RBP7: variants seen among roughly 807,000 people sequenced by gnomAD.
RBP7 encodes retinol binding protein 7, also known as retinoid-binding protein 7.
Under a neutral mutation model 16.7 loss-of-function variants are expected in RBP7, and 13 were observed. That is an observed-to-expected ratio of 0.78 (90% confidence interval 0.51 to 1.24). RBP7 has a LOEUF of 1.24. RBP7 is among the 50% of genes most tolerant of loss of function. RBP7 has a pLI of 0.00. For missense variants in RBP7, 145 were observed against 159.5 expected (o/e 0.91, Z 0.49); for synonymous variants, 54 against 56.2 (o/e 0.96, Z 0.17).
intron 1 of RBP7, among the ~76,000 whole-genome samples, chr1:10,001,851 CAG>C (rs1254506013): frequency 6.9e-5 from 8 of 116,104 alleles, no homozygotes; most frequent in Non-Finnish European, 1.3e-4. Flanking sequence ...ATTTTTGAGA[CAG>C]AGTCTCCCTT....
At chr1:10,015,550 G>C (rs1412692679) in intron 3 of RBP7, among the ~76,000 whole-genome samples, 1 of 151,758 alleles carries the variant, frequency 6.6e-6, no homozygotes, top group Non-Finnish European at 1.5e-5. Flanking sequence ...CAGTGTCCCA[G>C]CTACTTTGGG....
At chr1:10,009,955 ATGTACCAAAAAATGCACCTGTTTTAAG>A (rs1642569699) in intron 3 of RBP7, among the ~76,000 whole-genome samples, 1 of 151,840 alleles carries the variant, frequency 6.6e-6, no homozygotes, top group African/African-American at 2.4e-5. Flanking sequence ...GGTATACTTT[ATGTACCAAAAAATGCACCTGTTTTAAG>A]TGTACAGTTT....
intron 1 of RBP7, among the ~76,000 whole-genome samples, chr1:9,998,630 G>A (rs1642215881): frequency 1.3e-5 from 2 of 150,758 alleles, no homozygotes; most frequent in Admixed American, 1.3e-4. Context: ...GGCTGGTCTC[G>A]AACATCTGCC....
Position 10,009,817 on chromosome 1 carries a change from C to T in RBP7, c.354+1543C>T, listed in dbSNP as rs549466277. 4.6e-5 allele frequency among the ~76,000 whole-genome samples: 7 copies of T among 152,130 alleles called. No homozygotes were observed. The East Asian group carries it at 1.4e-3, about 29-fold the overall frequency. On this transcript the variant is annotated intron_variant, in intron 3 of 3. Transcript: ENST00000294435. ...AAAGTGTTGGGATTACAGGCGTGGC[C>T]GCTTGTAATAAAAATTTAATTTCTT... is the stretch of plus-strand genomic sequence containing the variant.
rs771209512 is a variant in RBP7 at position 9,997,319 on chromosome 1, A to G, written c.61A>G (p.Met21Val). The change falls in exon 1 of 4, where the codon ATG becomes GTG. Residue 21 changes from methionine (M) to valine (V), a missense_variant. Transcript: ENST00000294435. The surrounding 1 kb of genome is among the most constrained non-coding windows in gnomAD (Gnocchi z 5.9). ...LLSSDNFEGYMLALGIDFATR... is the reference protein window; with the variant it reads ...LLSSDNFEGYVLALGIDFATR... ...CAGCAGCGACAACTTCGAGGGCTAC[A>G]TGCTGGCCCTAGGTAAGGCGGAGGG... The G allele has an allele frequency of 1.2e-6, 2 of 1,611,104 alleles. No individual in the cohort carries two copies. The highest frequency in any genetic ancestry group is 1.7e-6 in the Non-Finnish European group (2 of 1,178,982).
intron 3 of RBP7, 136 bp downstream of exon 3, chr1:10,008,410 G>T: frequency 1.9e-6 from 1 of 527,148 alleles, no homozygotes; most frequent in African/African-American, 1.9e-5. Context: ...CAGGAGACTA[G>T]CCTGGCCAAC....
intron 3 of RBP7, 90 bp from the exon 4 acceptor site, chr1:10,015,692 G>T: frequency 1.8e-6 from 2 of 1,133,884 alleles, no homozygotes; most frequent in Non-Finnish European, 2.7e-6. Context: ...TCCAGAAAAG[G>T]GTTAAAACAC....
intron 1 of RBP7, among the ~76,000 whole-genome samples, chr1:10,005,921 A>G (rs947343459): frequency 3.3e-5 from 5 of 152,036 alleles, no homozygotes; most frequent in African/African-American, 1.2e-4. Context: ...ATTCTGCGGC[A>G]GATACACTAG....
intron 3 of RBP7, among the ~76,000 whole-genome samples, chr1:10,011,643 A>T (rs1307441037): frequency 6.6e-6 from 1 of 152,224 alleles, no homozygotes; most frequent in Non-Finnish European, 1.5e-5. Context: ...GGTGAGACCC[A>T]TGAGAACAAA....
At chr1:10,000,665 T>TA (rs950563489) in intron 1 of RBP7, among the ~76,000 whole-genome samples, 1 of 152,206 alleles carries the variant, frequency 6.6e-6, no homozygotes, top group African/African-American at 2.4e-5. Context: ...ATACATTCCA[T>TA]AAAAAATCAC....
At chr1:9,999,351 A>T (rs1642226873) in intron 1 of RBP7, among the ~76,000 whole-genome samples, 1 of 152,068 alleles carries the variant, frequency 6.6e-6, no homozygotes, top group African/African-American at 2.4e-5. Context: ...GTTCAAGACC[A>T]GCCTGGCCAA....
intron 1 of RBP7, among the ~76,000 whole-genome samples, chr1:10,000,075 A>C (rs1032547038): frequency 6.6e-6 from 1 of 150,876 alleles, no homozygotes; most frequent in Non-Finnish European, 1.5e-5. Flanking sequence ...TAAAAATACA[A>C]AAAATTAGCT....
chr1:9,999,815 T>G (rs1642231896), intron 1 of RBP7, among the ~76,000 whole-genome samples: 1 of 218 alleles, frequency 4.6e-3, no homozygotes, highest in African/African-American at 8.3e-3. Context: ...TGTAATACTC[T>G]TTTTTTTTTT....
rs1235765204 is a variant in RBP7 at position 10,007,677 on chromosome 1, T to C, written c.181T>C (p.Tyr61His). The C allele has an allele frequency of 3.1e-6, 5 of 1,613,908 alleles. No homozygotes were observed. The Admixed American group carries it at 6.7e-5, about 22-fold the overall frequency. ...TIHTNSSLRN[Y>H]FVKFKVGEEF... The stretch of plus-strand genomic sequence containing the variant: ...CCACACGAACAGCAGCCTAAGGAAC[T>C]ACTTTGTGAAATTTAAAGTTGGAGA... The change falls in exon 2 of 4, where the codon TAC becomes CAC. Residue 61 changes from tyrosine (Y) to histidine (H), a missense_variant. By Grantham distance (83) the Tyr-to-His change is moderately conservative. Coordinates refer to ENST00000294435, the MANE Select transcript of RBP7 (RefSeq NM_052960.3).
At chr1:10,004,359 T>G (rs950192555) in intron 1 of RBP7, 1 of 149,690 alleles carries the variant, frequency 6.7e-6, no homozygotes, top group African/African-American at 2.5e-5. Flanking sequence ...CATGAGCCAC[T>G]GCGCCCAGCC....
chr1:10,008,519 CA>C (rs1223064226), intron 3 of RBP7, among the ~76,000 whole-genome samples: 4 of 150,680 alleles, frequency 2.7e-5, no homozygotes, highest in African/African-American at 7.4e-5. Flanking sequence ...CGGCTCACTG[CA>C]ACCTCCACCT....
chr1:10,007,801 C>T (rs1642487844), intron 2 of RBP7, 53 bp downstream of exon 2: 27 of 1,547,526 alleles, frequency 1.7e-5, no homozygotes, highest in Non-Finnish European at 2.1e-5. Context: ...AATCCTAACA[C>T]TTTGGGAGGC....
At chr1:10,011,484 T>G (rs1642619267) in intron 3 of RBP7, among the ~76,000 whole-genome samples, 1 of 152,222 alleles carries the variant, frequency 6.6e-6, no homozygotes, top group African/African-American at 2.4e-5. Flanking sequence ...ATCACATTCC[T>G]TTAAGACTCA....
At chr1:10,015,691 G>T (rs1642756886) in intron 3 of RBP7, 91 bp from the exon 4 acceptor site, 1 of 1,112,658 alleles carries the variant, frequency 9.0e-7, no homozygotes, top group Non-Finnish European at 1.4e-6. Context: ...TTCCAGAAAA[G>T]GGTTAAAACA....
Sources: gnomAD v4.1 joint callset for allele counts (sites outside exome capture counted in the v4.1 genomes callset) on GRCh38, gnomAD v4.1.1 for gene constraint, Gnocchi (gnomAD v3.1) non-coding constraint, MANE v1.5 for transcripts, NCBI Gene and HGNC (gene_info 2026-07-23, HGNC 2026-07-21) for gene names.